CDH12: variants seen among roughly 807,000 people sequenced by gnomAD.
CDH12 encodes the protein cadherin-12.
Under a neutral mutation model 74.1 loss-of-function variants are expected in CDH12, and 41 were observed. The ratio of observed to expected loss-of-function variants is 0.55; its 90% CI spans 0.43 to 0.72. CDH12 has a LOEUF of 0.72. Among genes scored for constraint, CDH12 ranks in the 30% least tolerant of loss-of-function variants. The probability of loss-of-function intolerance (pLI) is 0.00; values close to 1 mark genes in which losing one functional copy is unlikely to be tolerated. For synonymous variants in CDH12, 399 were observed against 355.0 expected (o/e 1.12, Z -1.39); for missense variants, 945 against 977.2 (o/e 0.97, Z 0.44).
At chr5:22,536,304 T>A (rs183441600) in intron 1 of CDH12, among the ~76,000 whole-genome samples, 1 of 152,298 alleles carries the variant, frequency 6.6e-6, no homozygotes, top group East Asian at 1.9e-4. Context: ...AGTATCCAAT[T>A]AGTATGATTG....
intron 1 of CDH12, among the ~76,000 whole-genome samples, chr5:22,849,559 G>A (rs745477384): frequency 2.0e-5 from 3 of 152,074 alleles, no homozygotes; most frequent in Non-Finnish European, 2.9e-5. Context: ...GCATCATTCA[G>A]CCATTTGAAC....
intron 2 of CDH12, among the ~76,000 whole-genome samples, chr5:22,468,721 A>G (rs1745837381): frequency 6.6e-6 from 1 of 152,152 alleles, no homozygotes; most frequent in African/African-American, 2.4e-5. Context: ...AAAATGTTTC[A>G]TCCAATAAAT....
At chr5:22,134,282 G>A (rs1416835653) in intron 4 of CDH12, among the ~76,000 whole-genome samples, 3 of 152,098 alleles carry the variant, frequency 2.0e-5, no homozygotes, top group Non-Finnish European at 2.9e-5. Context: ...TGAGCGTTCC[G>A]CTTGAGCTAT....
At chr5:22,439,027 T>G (rs1052187755) in intron 2 of CDH12, among the ~76,000 whole-genome samples, 2 of 151,886 alleles carry the variant, frequency 1.3e-5, no homozygotes, top group African/African-American at 4.8e-5. Context: ...GGAAAATAAT[T>G]GGACATCGCT....
chr5:22,264,416 G>T (rs1157451923), intron 3 of CDH12, among the ~76,000 whole-genome samples: 1 of 151,974 alleles, frequency 6.6e-6, no homozygotes, highest in African/African-American at 2.4e-5. Context: ...TCTCTCCATG[G>T]TTTTATTCAT....
At chr5:22,603,640 G>A (rs568871058) in intron 1 of CDH12, among the ~76,000 whole-genome samples, 1 of 152,226 alleles carries the variant, frequency 6.6e-6, no homozygotes, top group South Asian at 2.1e-4. Flanking sequence ...ATGGTCCAAG[G>A]GGGAGGGAGA....
chr5:22,377,603 C>A (rs982403506), intron 3 of CDH12, among the ~76,000 whole-genome samples: 1 of 152,188 alleles, frequency 6.6e-6, no homozygotes, highest in Admixed American at 6.5e-5. Flanking sequence ...CAACTCCCCT[C>A]TCTCTGACAT....
At chr5:22,723,018 C>G (rs1261255881) in intron 1 of CDH12, among the ~76,000 whole-genome samples, 1 of 152,124 alleles carries the variant, frequency 6.6e-6, no homozygotes, top group Non-Finnish European at 1.5e-5. Flanking sequence ...CACTGAAAAG[C>G]ACTTTGTGGT....
At chr5:22,214,627 G>C (rs1204968156) in intron 3 of CDH12, among the ~76,000 whole-genome samples, 1 of 152,116 alleles carries the variant, frequency 6.6e-6, no homozygotes, top group African/African-American at 2.4e-5. Flanking sequence ...CCCATTCTGA[G>C]GATCTTAAAT....
At chr5:22,686,583 T>C (rs376837401) in intron 1 of CDH12, among the ~76,000 whole-genome samples, 27 of 152,302 alleles carry the variant, frequency 1.8e-4, no homozygotes, top group African/African-American at 5.3e-4. Context: ...ACTTCATATT[T>C]TACATGTGGA....
At chr5:22,457,603 G>A (rs1291702831) in intron 2 of CDH12, among the ~76,000 whole-genome samples, 1 of 139,180 alleles carries the variant, frequency 7.2e-6, no homozygotes, top group Non-Finnish European at 1.5e-5. Flanking sequence ...TTTTGAGACA[G>A]AGTCTTGCTC....
At chr5:22,550,989 A>G (rs1283559235) in intron 1 of CDH12, among the ~76,000 whole-genome samples, 1 of 152,168 alleles carries the variant, frequency 6.6e-6, no homozygotes, top group Non-Finnish European at 1.5e-5. Context: ...AAACATACTG[A>G]CATGTAGCTT....
At chr5:22,270,081 C>A (rs960282745) in intron 3 of CDH12, among the ~76,000 whole-genome samples, 2 of 152,098 alleles carry the variant, frequency 1.3e-5, no homozygotes, top group African/African-American at 4.8e-5. Context: ...TTAAAGCTAT[C>A]TTTGGGAAGA....
intron 1 of CDH12, among the ~76,000 whole-genome samples, chr5:22,680,527 C>G (rs1741435606): frequency 6.6e-6 from 1 of 151,902 alleles, no homozygotes; most frequent in Admixed American, 6.6e-5. Flanking sequence ...GATGACTTGC[C>G]CGAAGACACA....
intron 1 of CDH12, among the ~76,000 whole-genome samples, chr5:22,621,926 A>G (rs1329518967): frequency 6.6e-6 from 1 of 152,126 alleles, no homozygotes; most frequent in African/African-American, 2.4e-5. Context: ...CCAAATATTT[A>G]ATGTTTAAAT....
chr5:22,105,837 A>T (rs747682809), intron 4 of CDH12, among the ~76,000 whole-genome samples: 1 of 152,194 alleles, frequency 6.6e-6, no homozygotes, highest in Admixed American at 6.5e-5. Flanking sequence ...TTAAAAATAA[A>T]GGTCACATTC....
chr5:22,296,165 T>C (rs919891699), intron 3 of CDH12, among the ~76,000 whole-genome samples: 6 of 151,936 alleles, frequency 3.9e-5, no homozygotes, highest in Admixed American at 6.5e-5. Flanking sequence ...TTATAATATA[T>C]ATTTATTGTT....
intron 1 of CDH12, among the ~76,000 whole-genome samples, chr5:22,808,298 T>A (rs1748924262): frequency 1.3e-5 from 2 of 152,196 alleles, no homozygotes; most frequent in South Asian, 4.1e-4. Flanking sequence ...TGAACAATGC[T>A]AGAGACCAAA....
chr5:22,013,831 CTT>C (rs1737439010), intron 5 of CDH12, among the ~76,000 whole-genome samples: 2 of 152,024 alleles, frequency 1.3e-5, no homozygotes, highest in African/African-American at 4.8e-5. Flanking sequence ...TAAAGTGTCT[CTT>C]AATATACTTC....
Sources: allele counts gnomAD v4.1 joint callset (sites outside exome capture counted in the v4.1 genomes callset), GRCh38; gene constraint gnomAD v4.1.1; transcripts MANE v1.5; gene names NCBI Gene and HGNC (gene_info 2026-07-23, HGNC 2026-07-21).